The following SDHAF3 variants were observed in gnomAD, a reference collection of about 807,000 sequenced individuals.
The protein encoded by SDHAF3 is succinate dehydrogenase assembly factor 3, mitochondrial.
SDHAF3 carries 18 observed loss-of-function variants against 11.5 expected under a neutral mutation model. That is an observed-to-expected ratio of 1.56 (90% CI 1.08 to 2.32). The LOEUF is 2.32. Among genes scored for constraint, SDHAF3 ranks in the 30% most tolerant of loss-of-function variants. The pLI, the probability that SDHAF3 is intolerant of heterozygous loss-of-function variation, is 0.00. For synonymous variants in SDHAF3, 72 were observed against 59.3 expected (o/e 1.21, Z -0.99); for missense variants, 200 against 154.4 (o/e 1.30, Z -1.57).
At chr7:97,165,894 G>GTGTC (rs1310344661) in intron 1 of SDHAF3, among the ~76,000 whole-genome samples, 3 of 152,150 alleles carry the variant, frequency 2.0e-5, no homozygotes, top group Non-Finnish European at 4.4e-5. Flanking sequence ...AGGGATGTGG[G>GTGTC]TGTCTTGGCA....
intron 1 of SDHAF3, among the ~76,000 whole-genome samples, chr7:97,164,014 C>A (rs994122851): frequency 6.6e-6 from 1 of 150,956 alleles, no homozygotes; most frequent in Non-Finnish European, 1.5e-5. Flanking sequence ...GTGGCGCGAT[C>A]GCAGGTCACT....
At chr7:97,155,951 T>C (rs1789295226) in intron 1 of SDHAF3, among the ~76,000 whole-genome samples, 1 of 152,158 alleles carries the variant, frequency 6.6e-6, no homozygotes, top group Non-Finnish European at 1.5e-5. Context: ...TTTTAGGTTG[T>C]TTTTAGACTT....
intron 1 of SDHAF3, among the ~76,000 whole-genome samples, chr7:97,168,379 G>A (rs952984215): frequency 6.6e-6 from 1 of 152,206 alleles, no homozygotes; most frequent in African/African-American, 2.4e-5. Flanking sequence ...TACAACAGCA[G>A]TCTAGTTCCC....
intron 1 of SDHAF3, among the ~76,000 whole-genome samples, chr7:97,120,136 T>C (rs1218442936): frequency 6.6e-6 from 1 of 152,204 alleles, no homozygotes. Flanking sequence ...GGTGGCTCTT[T>C]TGTTTCCCTC....
chr7:97,127,636 A>G (rs1049448293), intron 1 of SDHAF3, among the ~76,000 whole-genome samples: 2 of 152,156 alleles, frequency 1.3e-5, no homozygotes, highest in Admixed American at 6.5e-5. Context: ...TTATAAATGT[A>G]TGCTTCTCTT....
chr7:97,163,168 C>CT (rs58956333), intron 1 of SDHAF3, among the ~76,000 whole-genome samples: 87,473 of 125,174 alleles, frequency 0.7, 31,410 homozygotes, highest in Non-Finnish European at 0.78. Context: ...GTTTAAAGTC[C>CT]TTTTTTTTTT....
At chr7:97,132,858 A>C (rs1175153082) in intron 1 of SDHAF3, among the ~76,000 whole-genome samples, 32 of 152,204 alleles carry the variant, frequency 2.1e-4, no homozygotes. Context: ...AGGGTCTGGT[A>C]ATTGATCTTA....
intron 1 of SDHAF3, among the ~76,000 whole-genome samples, chr7:97,136,039 G>A (rs950615646): frequency 6.6e-6 from 1 of 151,932 alleles, no homozygotes; most frequent in Non-Finnish European, 1.5e-5. Context: ...TGATGATTAG[G>A]ATAGATATAA....
At chr7:97,164,404 CAG>C (rs1181760890) in intron 1 of SDHAF3, among the ~76,000 whole-genome samples, 2 of 132,424 alleles carry the variant, frequency 1.5e-5, no homozygotes, top group East Asian at 2.5e-4. Flanking sequence ...TTTTTTCAGA[CAG>C]AGTTTCACTC....
chr7:97,141,098 G>A (rs749746029), intron 1 of SDHAF3, among the ~76,000 whole-genome samples: 6 of 152,146 alleles, frequency 3.9e-5, no homozygotes, highest in Non-Finnish European at 8.8e-5. Context: ...AATAAGCCCC[G>A]GTCTCCCATA....
chr7:97,172,198 A>AT (rs1457592809), intron 1 of SDHAF3, among the ~76,000 whole-genome samples: 1 of 152,142 alleles, frequency 6.6e-6, no homozygotes, highest in African/African-American at 2.4e-5. Flanking sequence ...TATCCATGAT[A>AT]TTTTGCAAGT....
chr7:97,131,983 T>G (rs1263669103), intron 1 of SDHAF3, among the ~76,000 whole-genome samples: 1 of 152,212 alleles, frequency 6.6e-6, no homozygotes, highest in East Asian at 1.9e-4. Context: ...AACTGTAACA[T>G]AATTACATAT....
At chr7:97,140,781 G>A (rs1010848481) in intron 1 of SDHAF3, among the ~76,000 whole-genome samples, 32 of 152,096 alleles carry the variant, frequency 2.1e-4, no homozygotes, top group African/African-American at 7.2e-4. Flanking sequence ...TGATGATTGC[G>A]TTAACTGCAC....
intron 1 of SDHAF3, among the ~76,000 whole-genome samples, chr7:97,177,239 A>G (rs1331478297): frequency 6.6e-6 from 1 of 152,122 alleles, no homozygotes; most frequent in Admixed American, 6.5e-5. Flanking sequence ...ACAGTAGCTC[A>G]GGCCTGTAAT....
chr7:97,169,960 G>A (rs566917062), intron 1 of SDHAF3, among the ~76,000 whole-genome samples: 4 of 152,120 alleles, frequency 2.6e-5, no homozygotes, highest in African/African-American at 9.6e-5. Context: ...TAAATCAGTA[G>A]TGTATATACA....
At chr7:97,177,269 G>A (rs1446102567) in intron 1 of SDHAF3, among the ~76,000 whole-genome samples, 1 of 152,050 alleles carries the variant, frequency 6.6e-6, no homozygotes, top group Non-Finnish European at 1.5e-5. Context: ...TTGGGAGGCT[G>A]AGGCGGGTGG....
chr7:97,122,858 A>G (rs569337399), intron 1 of SDHAF3, among the ~76,000 whole-genome samples: 8 of 151,866 alleles, frequency 5.3e-5, no homozygotes, highest in Non-Finnish European at 1.0e-4. Context: ...AAGATAGAAC[A>G]TTAACATTTA....
chr7:97,176,436 G>A (rs1406021571), intron 1 of SDHAF3, among the ~76,000 whole-genome samples: 1 of 152,208 alleles, frequency 6.6e-6, no homozygotes, highest in Non-Finnish European at 1.5e-5. Context: ...GTATTTTTCT[G>A]TTCTGAGTCT....
chr7:97,175,819 G>A lies in SDHAF3; in HGVS notation c.175-5193G>A, dbSNP rs146900011. Among the ~76,000 whole-genome samples, 505 of 152,226 alleles carry A rather than the reference G, an allele frequency of 3.3e-3. 3 individuals carry two copies. The highest frequency in any genetic ancestry group is 0.012 in the African/African-American group (489 of 41,550). ...TAGGAGACTTTAAGACTGTGTTTCT[G>A]TAGTTCACTGCTGTATTAATTTCCT... On this transcript the variant is annotated intron_variant, in intron 1 of 1. Transcript: ENST00000432641.
Sources: allele counts gnomAD v4.1 joint callset (sites outside exome capture counted in the v4.1 genomes callset), GRCh38; gene constraint gnomAD v4.1.1; transcripts MANE v1.5; gene names NCBI Gene and HGNC (gene_info 2026-07-23, HGNC 2026-07-21).